SETBP1: variants seen among roughly 807,000 people sequenced by gnomAD.
SETBP1 encodes the protein SET-binding protein.
SETBP1 carries 9 observed loss-of-function variants against 101.0 expected under a neutral mutation model. The observed-to-expected ratio is 0.09, with a 90% CI of 0.05 to 0.16. The LOEUF is 0.16. Among genes scored for constraint, SETBP1 ranks in the 10% least tolerant of loss-of-function variants. SETBP1 has a pLI of 1.00. For synonymous variants in SETBP1, 818 were observed against 788.5 expected, an observed-to-expected ratio of 1.04 and a Z score of -0.63; for missense variants, 1,858 against 2,033.8, an observed-to-expected ratio of 0.91 and a Z score of 1.66.
chr18:44,737,411 G>C (rs1311129378), intron 2 of SETBP1, among the ~76,000 whole-genome samples: 1 of 152,170 alleles, frequency 6.6e-6, no homozygotes, highest in Non-Finnish European at 1.5e-5. Flanking sequence ...TAGACTCATA[G>C]GCTGGCTACA....
intron 2 of SETBP1, among the ~76,000 whole-genome samples, chr18:44,703,146 T>C (rs1174050684): frequency 1.3e-5 from 2 of 152,148 alleles, no homozygotes; most frequent in Non-Finnish European, 2.9e-5. Flanking sequence ...GACTTGGAGA[T>C]GGCTCTAGAA....
chr18:44,869,519 A>G, intron 3 of SETBP1: 1 of 520,602 alleles, frequency 1.9e-6, no homozygotes, highest in Non-Finnish European at 3.5e-6. Flanking sequence ...TAGGAGAAAA[A>G]TATATAGAGA....
intron 4 of SETBP1, among the ~76,000 whole-genome samples, chr18:45,034,827 GCA>G (rs2073364327): frequency 6.6e-6 from 1 of 152,092 alleles, no homozygotes; most frequent in East Asian, 1.9e-4. Flanking sequence ...CCTTCCCAGA[GCA>G]CACCCGTGGC....
chr18:44,888,057 A>G (rs2069688940), intron 3 of SETBP1, among the ~76,000 whole-genome samples: 1 of 152,150 alleles, frequency 6.6e-6, no homozygotes, highest in East Asian at 1.9e-4. Flanking sequence ...TTAGAAGAGC[A>G]GTCAATCTCC....
intron 4 of SETBP1, among the ~76,000 whole-genome samples, chr18:45,007,407 A>G (rs1035918858): frequency 6.6e-6 from 1 of 152,118 alleles, no homozygotes; most frequent in Non-Finnish European, 1.5e-5. Context: ...AAAGATCTCC[A>G]GTAATGCTTA....
At chr18:44,885,591 A>G (rs1167062855) in intron 3 of SETBP1, among the ~76,000 whole-genome samples, 2 of 152,098 alleles carry the variant, frequency 1.3e-5, no homozygotes, top group Non-Finnish European at 2.9e-5. Context: ...ATAGGATTAA[A>G]AAGCTAATCC....
intron 2 of SETBP1, among the ~76,000 whole-genome samples, chr18:44,834,063 A>G (rs1055060821): frequency 2.0e-5 from 3 of 152,220 alleles, no homozygotes; most frequent in African/African-American, 4.8e-5. Flanking sequence ...AGAATCAAAA[A>G]TAAGAACATA....
chr18:44,895,960 C>G (rs565136492), intron 3 of SETBP1, among the ~76,000 whole-genome samples: 3 of 152,138 alleles, frequency 2.0e-5, no homozygotes, highest in African/African-American at 7.2e-5. Flanking sequence ...TCCCCATGCC[C>G]GCATGCTCAC....
chr18:44,754,962 A>C (rs1374790467), intron 2 of SETBP1, among the ~76,000 whole-genome samples: 3 of 152,212 alleles, frequency 2.0e-5, no homozygotes, highest in Non-Finnish European at 4.4e-5. Context: ...TTGATTTGCT[A>C]ATCATTATTC....
At chr18:45,007,023 A>C (rs2072744053) in intron 4 of SETBP1, among the ~76,000 whole-genome samples, 1 of 152,188 alleles carries the variant, frequency 6.6e-6, no homozygotes, top group Admixed American at 6.5e-5. Flanking sequence ...TTATCATTTA[A>C]GAAGTTCTGT....
chr18:44,688,476 A>AT lies in SETBP1; in HGVS notation c.-173+7471dup, dbSNP rs879711867. Among the ~76,000 whole-genome samples the AT allele has an allele frequency of 7.1e-3, 978 of 138,516 alleles. 8 individuals are homozygous for AT. The highest frequency in any genetic ancestry group is 0.016 in the East Asian group (75 of 4,770). 90.9% of individuals were successfully genotyped at this position (138,516 alleles called of 152,430 possible). A position where few individuals can be genotyped will look rare whatever the true frequency, so the allele number is the denominator to read the frequency against. ...TGTTATTTGAGCAATGAGACCTTTG[A>AT]TTTTTTTTTTTTTTTTGAGATGAAG... On this transcript the variant is annotated intron_variant, in intron 1 of 5. Coordinates refer to ENST00000649279, the MANE Select transcript of SETBP1 (RefSeq NM_015559.3).
intron 2 of SETBP1, among the ~76,000 whole-genome samples, chr18:44,794,088 G>T (rs2071420551): frequency 6.6e-6 from 1 of 152,162 alleles, no homozygotes; most frequent in Admixed American, 6.5e-5. Flanking sequence ...TAAATGTAAA[G>T]ATAATAACAG....
At chr18:44,753,122 A>G (rs983483413) in intron 2 of SETBP1, among the ~76,000 whole-genome samples, 11 of 152,312 alleles carry the variant, frequency 7.2e-5, no homozygotes, top group African/African-American at 2.6e-4. Context: ...TCAAGAGGTC[A>G]CTTTGCTTGT....
At chr18:44,744,783 CA>C (rs72462551) in intron 2 of SETBP1, among the ~76,000 whole-genome samples, 19 of 135,038 alleles carry the variant, frequency 1.4e-4, no homozygotes, top group African/African-American at 3.3e-4. Context: ...AAAAAAAAAA[CA>C]AAAAAAAAAA....
At chr18:44,958,962 A>G (rs1227458442) in intron 4 of SETBP1, among the ~76,000 whole-genome samples, 1 of 152,218 alleles carries the variant, frequency 6.6e-6, no homozygotes, top group Non-Finnish European at 1.5e-5. Context: ...ATTAAATGAT[A>G]TAACCCATAA....
At chr18:45,035,016 T>C (rs999439103) in intron 4 of SETBP1, among the ~76,000 whole-genome samples, 2 of 149,898 alleles carry the variant, frequency 1.3e-5, no homozygotes, top group African/African-American at 4.9e-5. Context: ...CCCCCAACTT[T>C]GCTTTTGCTC....
chr18:44,857,349 A>T (rs614797), intron 2 of SETBP1, among the ~76,000 whole-genome samples: 52,435 of 152,024 alleles, frequency 0.34, 9,152 homozygotes, highest in South Asian at 0.44. Flanking sequence ...AAGCCTGATA[A>T]TGCCTTGGGT....
At chr18:45,060,580 G>T (rs2073875377) in intron 5 of SETBP1, among the ~76,000 whole-genome samples, 2 of 151,996 alleles carry the variant, frequency 1.3e-5, no homozygotes, top group South Asian at 4.1e-4. Flanking sequence ...AAATGTGAAT[G>T]GTGGGCACAA....
intron 2 of SETBP1, among the ~76,000 whole-genome samples, chr18:44,724,961 T>C (rs1330781597): frequency 1.3e-5 from 2 of 151,946 alleles, no homozygotes; most frequent in African/African-American, 4.8e-5. Context: ...GTGTGCAGAG[T>C]TCAAGGAGCT....
Sources: allele counts gnomAD v4.1 joint callset (sites outside exome capture counted in the v4.1 genomes callset), GRCh38; gene constraint gnomAD v4.1.1; transcripts MANE v1.5; gene names NCBI Gene and HGNC (gene_info 2026-07-23, HGNC 2026-07-21).